KIF4A: variants seen among roughly 807,000 people sequenced by gnomAD.
KIF4A encodes the protein chromosome-associated kinesin KIF4A.
In KIF4A, 7 loss-of-function variants were observed where a neutral mutation model predicts 105.9. That is an observed-to-expected ratio of 0.07 (90% CI 0.04 to 0.12). The LOEUF is 0.12. Among genes scored for constraint, KIF4A ranks in the 10% least tolerant of loss-of-function variants. The pLI is 1.00. For missense variants in KIF4A, 558 were observed against 929.2 expected (o/e 0.60, Z 5.19); for synonymous variants, 281 against 331.3 (o/e 0.85, Z 1.65).
intron 7 of KIF4A, among the ~76,000 whole-genome samples, chrX:70,325,901 C>T (rs749342084): frequency 3.6e-5 from 4 of 111,524 alleles, no homozygotes; most frequent in African/African-American, 9.8e-5. Context: ...TAGGTAAGAT[C>T]GGTATTTTCC....
intron 10 of KIF4A, among the ~76,000 whole-genome samples, chrX:70,339,816 A>G (rs1418357380): frequency 1.8e-5 from 2 of 112,185 alleles, no homozygotes; most frequent in Non-Finnish European, 3.8e-5. Context: ...AGCCTTGGCA[A>G]TTAAATAGCA....
intron 7 of KIF4A, among the ~76,000 whole-genome samples, chrX:70,324,268 T>C (rs1179624108): frequency 8.9e-6 from 1 of 112,232 alleles, no homozygotes; most frequent in African/African-American, 3.2e-5. Context: ...CATAGTGTTC[T>C]TTCTTTTCTT....
chrX:70,364,951 C>T (rs2086094744), intron 15 of KIF4A, among the ~76,000 whole-genome samples: 1 of 111,235 alleles, frequency 9.0e-6, no homozygotes. Flanking sequence ...TTGAAGAGGT[C>T]CTTCACATCC....
At chrX:70,372,462 G>A (rs930146489) in intron 15 of KIF4A, among the ~76,000 whole-genome samples, 3 of 113,754 alleles carry the variant, frequency 2.6e-5, no homozygotes, top group East Asian at 5.6e-4. Flanking sequence ...CCAACACAGC[G>A]AAACCCCGTC....
Position 70,361,634 on chromosome X carries a change from C to G in KIF4A, c.1674+7827C>G, listed in dbSNP as rs184977821. 2.5e-5 allele frequency: 4 copies of G among 162,764 alleles called. No individual in the cohort carries two copies. In the East Asian group the frequency reaches 6.1e-4, roughly 25 times the overall value. 13.4% of individuals were successfully genotyped at this position (162,764 alleles called of 1,213,427 possible). A position where few individuals can be genotyped will look rare whatever the true frequency, so the allele number is the denominator to read the frequency against. ...CTTGGAGATGGTAGTGTAGCCCTGT[C>G]TGCATAGCTGGTTAGGGAATGCACT... On this transcript the variant is annotated intron_variant, in intron 15 of 30. Transcript: ENST00000374403.
intron 13 of KIF4A, among the ~76,000 whole-genome samples, chrX:70,350,339 G>A (rs1173580132): frequency 8.9e-6 from 1 of 111,933 alleles, no homozygotes; most frequent in African/African-American, 3.3e-5. Flanking sequence ...ACAAAAACCA[G>A]TCAGGCTTGG....
At chrX:70,315,632 G>A (rs1257786524) in intron 7 of KIF4A, among the ~76,000 whole-genome samples, 1 of 111,593 alleles carries the variant, frequency 9.0e-6, no homozygotes, top group African/African-American at 3.3e-5. Flanking sequence ...AGTCATAGCA[G>A]CCCAGTGAGT....
At chrX:70,401,773 A>G (rs753697646) in intron 22 of KIF4A, among the ~76,000 whole-genome samples, 1 of 112,016 alleles carries the variant, frequency 8.9e-6, no homozygotes, top group Non-Finnish European at 1.9e-5. Flanking sequence ...AGAATGTCCT[A>G]GATGTCTTCA....
At chrX:70,395,107 G>A (rs980891516) in intron 20 of KIF4A, among the ~76,000 whole-genome samples, 2 of 111,547 alleles carry the variant, frequency 1.8e-5, no homozygotes, top group Admixed American at 9.6e-5. Flanking sequence ...TTAGCCAGGC[G>A]TGGTGGCGCG....
intron 5 of KIF4A, among the ~76,000 whole-genome samples, chrX:70,301,328 G>T (rs2085803685): frequency 1.8e-5 from 2 of 111,436 alleles, no homozygotes; most frequent in Admixed American, 1.9e-4. Context: ...AGCTAGAAAA[G>T]ACTTCATAAG....
intron 7 of KIF4A, among the ~76,000 whole-genome samples, chrX:70,311,048 C>T (rs779301185): frequency 1.9e-5 from 2 of 107,952 alleles, no homozygotes; most frequent in East Asian, 5.8e-4. Context: ...TCGATTGAGC[C>T]CTGAAGACCA....
chrX:70,363,385 C>T (rs2086085483), intron 15 of KIF4A, among the ~76,000 whole-genome samples: 1 of 110,506 alleles, frequency 9.0e-6, no homozygotes, highest in African/African-American at 3.3e-5. Context: ...CTAATGCTAT[C>T]CCTCCCCCGT....
At chrX:70,339,056 G>C (rs1417810828) in intron 10 of KIF4A, among the ~76,000 whole-genome samples, 1 of 101,030 alleles carries the variant, frequency 9.9e-6, no homozygotes. Flanking sequence ...CTGCACTCCA[G>C]CCTGGGTGAC....
At chrX:70,301,272 GAAGT>G (rs997873219) in intron 5 of KIF4A, among the ~76,000 whole-genome samples, 8 of 111,672 alleles carry the variant, frequency 7.2e-5, no homozygotes, top group Admixed American at 4.8e-4. Context: ...TAGGGCCACA[GAAGT>G]AAGTTTGGGA....
intron 22 of KIF4A, among the ~76,000 whole-genome samples, chrX:70,399,927 C>G (rs2086274147): frequency 1.0e-5 from 1 of 100,159 alleles, no homozygotes; most frequent in South Asian, 5.3e-4. Flanking sequence ...TGCACATGTA[C>G]CCTAAAACTT....
Position 70,310,715 on chromosome X carries a change from G to A in KIF4A, c.778+8317G>A, listed in dbSNP as rs769570321. On this transcript the variant is annotated intron_variant, in intron 7 of 30. Transcript: ENST00000374403. ...GTGTATGAGAGTTCCAGTTTTTTAC[G>A]TTTTTTTGTATGCTCTGGTACAGTT... is the stretch of plus-strand genomic sequence containing the variant. Among the ~76,000 whole-genome samples the A allele has an allele frequency of 6.4e-3, 711 of 111,042 alleles. 6 individuals carry two copies. Among genetic ancestry groups the A allele is most frequent in the African/African-American group, 0.022 (657 of 30,554 alleles).
At chrX:70,389,171 G>A (rs939539015) in intron 20 of KIF4A, among the ~76,000 whole-genome samples, 1 of 111,751 alleles carries the variant, frequency 8.9e-6, no homozygotes, top group South Asian at 3.7e-4. Context: ...TGGGAAGATC[G>A]CTTGAGACTG....
intron 18 of KIF4A, among the ~76,000 whole-genome samples, chrX:70,377,306 A>G (rs1367379511): frequency 9.0e-6 from 1 of 111,289 alleles, no homozygotes; most frequent in East Asian, 2.8e-4. Context: ...TCCTGGGCTC[A>G]AGCAGTCCTC....
intron 20 of KIF4A, among the ~76,000 whole-genome samples, chrX:70,395,036 A>G (rs1024818619): frequency 3.6e-4 from 41 of 112,428 alleles, no homozygotes; most frequent in African/African-American, 1.2e-3. Context: ...ACTTGAGGCC[A>G]GCAGTTCAAG....
Sources: gnomAD v4.1 joint callset for allele counts (sites outside exome capture counted in the v4.1 genomes callset) on GRCh38, gnomAD v4.1.1 for gene constraint, MANE v1.5 for transcripts, NCBI Gene and HGNC (gene_info 2026-07-23, HGNC 2026-07-21) for gene names.